The following SKI variants were observed in gnomAD, a reference collection of about 807,000 sequenced individuals.
SKI encodes the protein ski oncogene.
Under a neutral mutation model 59.3 loss-of-function variants are expected in SKI, and 23 were observed. The observed-to-expected ratio is 0.39, with a 90% CI of 0.28 to 0.55. SKI has a LOEUF of 0.55. Among genes scored for constraint, SKI ranks in the 20% least tolerant of loss-of-function variants. The pLI is 0.67. For missense variants in SKI, 1,017 were observed against 1,038.9 expected, an observed-to-expected ratio of 0.98 and a Z score of 0.29; for synonymous variants, 673 against 488.6, an observed-to-expected ratio of 1.38 and a Z score of -4.98.
chr1:2,229,379 G>T lies in SKI; in HGVS notation c.613G>T (p.Ala205Ser). Reference sequence around the variant, plus strand: ...GCCGCCCTGCAAGAAGGAGCTGGCCGCCAGCCTGGCGCTGGGCCTGGAGCT... The same window carrying T: ...GCCGCCCTGCAAGAAGGAGCTGGCCTCCAGCCTGGCGCTGGGCCTGGAGCT... ...YPPPCKKELAASLALGLELSE... is the reference protein window; with the variant it reads ...YPPPCKKELASSLALGLELSE... Residue 205 changes from alanine (A) to serine (S), a missense_variant, in exon 1 of 7, where the codon GCC (alanine) becomes TCC (serine). Transcript: ENST00000378536. This position sits in a 1 kb window ranked among gnomAD's most constrained non-coding sequence, Gnocchi z 6.3. 1 of 1,602,238 alleles carries T rather than the reference G, an allele frequency of 6.2e-7. No homozygotes were observed. Among genetic ancestry groups the T allele is most frequent in the Non-Finnish European group, 8.5e-7 (1 of 1,174,668 alleles).
chr1:2,234,932 C>T (rs887405725), intron 1 of SKI, among the ~76,000 whole-genome samples: 2 of 152,130 alleles, frequency 1.3e-5, no homozygotes. Context: ...GGGGGGGCTG[C>T]CTGGGGACCA....
chr1:2,231,015 C>T (rs905736464), intron 1 of SKI, among the ~76,000 whole-genome samples: 15 of 152,108 alleles, frequency 9.9e-5, no homozygotes, highest in Admixed American at 4.6e-4. Context: ...CCCTGCCAGG[C>T]CAGGGCTCAG....
intron 1 of SKI, among the ~76,000 whole-genome samples, chr1:2,239,282 C>T (rs552699139): frequency 6.6e-6 from 1 of 152,274 alleles, no homozygotes; most frequent in Non-Finnish European, 1.5e-5. Flanking sequence ...TTCTTGGATG[C>T]GGTGAGTGGC....
intron 1 of SKI, among the ~76,000 whole-genome samples, chr1:2,299,382 C>T (rs1281555418): frequency 6.6e-6 from 1 of 152,174 alleles, no homozygotes; most frequent in Non-Finnish European, 1.5e-5. Context: ...CTCTCGGTGC[C>T]CTGGGAGGAG....
At chr1:2,275,251 C>A (rs114025664) in intron 1 of SKI, among the ~76,000 whole-genome samples, 1 of 152,198 alleles carries the variant, frequency 6.6e-6, no homozygotes, top group Admixed American at 6.5e-5. Flanking sequence ...GAGCAGTGGC[C>A]GGCCCACGGC....
chr1:2,303,568 T>C lies in SKI; in HGVS notation c.1211+168T>C. The C allele has an allele frequency of 1.4e-6, 1 of 700,780 alleles. No homozygotes were observed. The highest frequency in any genetic ancestry group is 2.4e-6 in the Non-Finnish European group (1 of 419,522). 43.4% of individuals were successfully genotyped at this position (700,780 alleles called of 1,614,324 possible). On this transcript the variant is annotated intron_variant, in intron 3 of 6. Transcript: ENST00000378536. The surrounding 1 kb of genome is among the most constrained non-coding windows in gnomAD (Gnocchi z 5.6). ...TGGCTGGCATCAGGGAGAGCACACC[T>C]AGAGCGTTCCCTGTGTTCTGGGTGG...
chr1:2,284,152 T>C (rs58599509), intron 1 of SKI, among the ~76,000 whole-genome samples: 3,233 of 152,274 alleles, frequency 0.021, 121 homozygotes, highest in African/African-American at 0.074. Context: ...GTGTCACAGC[T>C]GCATCAGAGG....
At chr1:2,265,755 C>T (rs1639489184) in intron 1 of SKI, among the ~76,000 whole-genome samples, 1 of 152,020 alleles carries the variant, frequency 6.6e-6, no homozygotes, top group East Asian at 1.9e-4. Context: ...TTGCTTGAGT[C>T]CAGGAGTTTG....
chr1:2,293,559 T>C (rs747391283), intron 1 of SKI, among the ~76,000 whole-genome samples: 16 of 152,338 alleles, frequency 1.1e-4, no homozygotes, highest in Non-Finnish European at 1.8e-4. Context: ...GGATGATTTC[T>C]TTGAACGGTT....
At chr1:2,250,789 G>A (rs1486716557) in intron 1 of SKI, among the ~76,000 whole-genome samples, 1 of 152,274 alleles carries the variant, frequency 6.6e-6, no homozygotes, top group African/African-American at 2.4e-5. Flanking sequence ...GACCTGCCTG[G>A]CGGCTCAGCT....
chr1:2,265,997 T>C (rs1408131133), intron 1 of SKI, among the ~76,000 whole-genome samples: 1 of 152,074 alleles, frequency 6.6e-6, no homozygotes, highest in East Asian at 1.9e-4. Context: ...AAAAAAAATC[T>C]TGAGCTTTGT....
chr1:2,260,547 T>C lies in SKI; in HGVS notation c.969+30812T>C, dbSNP rs1267683706. 1.9e-4 allele frequency among the ~76,000 whole-genome samples: 26 copies of C among 135,666 alleles called. 2 individuals are homozygous for C. Among genetic ancestry groups the C allele is most frequent in the Admixed American group, 6.7e-4 (9 of 13,476 alleles). The allele number at this position is 135,666 out of a possible 152,430, so 89.0% of individuals were successfully genotyped here. On this transcript the variant is annotated intron_variant, in intron 1 of 6. Coordinates refer to ENST00000378536, the MANE Select transcript of SKI (RefSeq NM_003036.4). ...GTTTGTTCTTTTTCTTTTTTTTTTTTTTTTTTTTTTTGAGACAGGGTGTGG... is the reference window on the plus strand; with the variant it reads ...GTTTGTTCTTTTTCTTTTTTTTTTTCTTTTTTTTTTTGAGACAGGGTGTGG...
chr1:2,237,672 A>T (rs1638780916), intron 1 of SKI, among the ~76,000 whole-genome samples: 1 of 152,238 alleles, frequency 6.6e-6, no homozygotes, highest in African/African-American at 2.4e-5. Context: ...TGTTGCTTTT[A>T]CTATGGAGCA....
At chr1:2,304,664 G>A (rs941938293) in intron 5 of SKI, 79 bp downstream of exon 5, 4 of 1,470,458 alleles carry the variant, frequency 2.7e-6, no homozygotes, top group Admixed American at 4.6e-5. Context: ...GGGCACAGGT[G>A]GTGCCTCCTC....
chr1:2,260,769 G>A (rs1004676110), intron 1 of SKI, among the ~76,000 whole-genome samples: 1 of 151,980 alleles, frequency 6.6e-6, no homozygotes, highest in Non-Finnish European at 1.5e-5. Context: ...GCGAACTCTA[G>A]CTCAAATGAT....
intron 1 of SKI, among the ~76,000 whole-genome samples, chr1:2,272,426 G>C (rs1639644914): frequency 1.3e-5 from 2 of 152,344 alleles, no homozygotes; most frequent in East Asian, 1.9e-4. Context: ...CCCTCCGCTG[G>C]GGGGTTGGGG....
intron 1 of SKI, among the ~76,000 whole-genome samples, chr1:2,277,528 C>T (rs1639769309): frequency 6.6e-6 from 1 of 152,226 alleles, no homozygotes; most frequent in Non-Finnish European, 1.5e-5. Context: ...TCACCACCCG[C>T]CATGATTCTG....
intron 1 of SKI, among the ~76,000 whole-genome samples, chr1:2,231,631 C>T (rs760261405): frequency 1.3e-5 from 2 of 152,230 alleles, no homozygotes; most frequent in South Asian, 4.1e-4. Context: ...TCTGAAATTT[C>T]ATTTACCGAT....
intron 6 of SKI, 97 bp from the exon 7 acceptor site, chr1:2,306,480 G>T: frequency 1.5e-6 from 2 of 1,302,820 alleles, no homozygotes; most frequent in Non-Finnish European, 1.1e-6. Flanking sequence ...CACTGGGGAG[G>T]GACAGGGAGC....
Sources: gnomAD v4.1 joint callset for allele counts (sites outside exome capture counted in the v4.1 genomes callset) on GRCh38, gnomAD v4.1.1 for gene constraint, Gnocchi (gnomAD v3.1) non-coding constraint, MANE v1.5 for transcripts, NCBI Gene and HGNC (gene_info 2026-07-23, HGNC 2026-07-21) for gene names.